The following SMYD3 variants were observed in gnomAD, a reference collection of about 807,000 sequenced individuals.
SMYD3 encodes the protein SET and MYND domain containing 3, also known as histone-lysine N-methyltransferase SMYD3.
In SMYD3, 36 loss-of-function variants were observed where a neutral mutation model predicts 57.7. The observed-to-expected ratio is 0.62, with a 90% CI of 0.48 to 0.82. SMYD3 has a LOEUF of 0.82. Ranked by LOEUF, SMYD3 falls within the 40% of genes least tolerant of loss-of-function variation. The pLI, the probability that SMYD3 is intolerant of heterozygous loss-of-function variation, is 0.00. For missense variants in SMYD3, 515 were observed against 538.8 expected (o/e 0.96, Z 0.44); for synonymous variants, 211 against 195.0 (o/e 1.08, Z -0.68).
At chr1:246,292,717 T>C (rs1431734695) in intron 5 of SMYD3, among the ~76,000 whole-genome samples, 1 of 152,130 alleles carries the variant, frequency 6.6e-6, no homozygotes, top group African/African-American at 2.4e-5. Context: ...CAGAAGACCA[T>C]GAACACGTAT....
intron 10 of SMYD3, among the ~76,000 whole-genome samples, chr1:245,825,895 T>C (rs1430497825): frequency 6.7e-6 from 1 of 149,744 alleles, no homozygotes; most frequent in Non-Finnish European, 1.5e-5. Context: ...GGGTCTAGAA[T>C]TGAAGTCACT....
chr1:245,939,003 G>C (rs558965165), intron 5 of SMYD3, among the ~76,000 whole-genome samples: 1 of 151,770 alleles, frequency 6.6e-6, no homozygotes, highest in Non-Finnish European at 1.5e-5. Flanking sequence ...AAAATTAGCC[G>C]GGCGTGGTGG....
intron 5 of SMYD3, among the ~76,000 whole-genome samples, chr1:246,027,020 T>C (rs1321555551): frequency 6.6e-6 from 1 of 152,202 alleles, no homozygotes; most frequent in Non-Finnish European, 1.5e-5. Context: ...GAGACAGCCT[T>C]ATTGCTGATA....
At chr1:246,026,942 T>C (rs527619243) in intron 5 of SMYD3, among the ~76,000 whole-genome samples, 2 of 152,238 alleles carry the variant, frequency 1.3e-5, no homozygotes, top group Admixed American at 1.3e-4. Context: ...AACTTGTAAA[T>C]GCAAAAGAAA....
chr1:246,504,624 C>T (rs1481442365), intron 1 of SMYD3, among the ~76,000 whole-genome samples: 3 of 152,078 alleles, frequency 2.0e-5, no homozygotes, highest in African/African-American at 7.3e-5. Context: ...TTTTTCCTTT[C>T]CCATGTAACT....
intron 1 of SMYD3, among the ~76,000 whole-genome samples, chr1:246,487,122 T>G (rs1043205679): frequency 7.9e-5 from 12 of 151,794 alleles, no homozygotes; most frequent in African/African-American, 2.7e-4. Flanking sequence ...CCAGAGGAGG[T>G]AAAAAAAGTA....
chr1:245,785,060 A>G (rs891925463), intron 10 of SMYD3, among the ~76,000 whole-genome samples: 4 of 150,236 alleles, frequency 2.7e-5, no homozygotes, highest in Admixed American at 2.7e-4. Context: ...TATGTTGGCC[A>G]GGCTGACCTC....
intron 5 of SMYD3, among the ~76,000 whole-genome samples, chr1:246,223,445 T>C (rs1239341670): frequency 1.3e-5 from 2 of 152,114 alleles, no homozygotes; most frequent in South Asian, 4.1e-4. Flanking sequence ...GAGTCTCCTG[T>C]AAAATTCAGA....
intron 1 of SMYD3, among the ~76,000 whole-genome samples, chr1:246,410,547 T>C (rs1395632741): frequency 1.3e-5 from 2 of 152,238 alleles, no homozygotes; most frequent in Non-Finnish European, 2.9e-5. Flanking sequence ...GATAAGCTTT[T>C]TGATGTATTG....
intron 5 of SMYD3, among the ~76,000 whole-genome samples, chr1:246,246,461 T>C (rs958071025): frequency 2.6e-5 from 4 of 152,170 alleles, no homozygotes; most frequent in Non-Finnish European, 4.4e-5. Context: ...CCAAGTAATA[T>C]GATTTCTAAA....
intron 5 of SMYD3, among the ~76,000 whole-genome samples, chr1:246,051,133 C>CTTTTTT (rs11453523): frequency 7.1e-6 from 1 of 141,714 alleles, no homozygotes. Flanking sequence ...TTTCTTACTC[C>CTTTTTT]TTTTTTTTTT....
chr1:245,987,490 C>T (rs2058726735), intron 5 of SMYD3, among the ~76,000 whole-genome samples: 1 of 152,076 alleles, frequency 6.6e-6, no homozygotes, highest in Admixed American at 6.5e-5. Context: ...GAAGCCAGAG[C>T]CAGGGAGGTT....
intron 10 of SMYD3, among the ~76,000 whole-genome samples, chr1:245,803,771 A>C (rs1319588358): frequency 7.2e-5 from 11 of 152,210 alleles, no homozygotes; most frequent in Non-Finnish European, 1.5e-5. Context: ...AATTTCTAAA[A>C]TTTGATGTGC....
At chr1:246,472,396 A>G (rs1244020270) in intron 1 of SMYD3, among the ~76,000 whole-genome samples, 1 of 152,090 alleles carries the variant, frequency 6.6e-6, no homozygotes, top group Non-Finnish European at 1.5e-5. Flanking sequence ...GCTAGATTAG[A>G]ATTTTATTTT....
rs575574882 is a variant in SMYD3, at chr1:246,438,657, A to G, written c.164+68397T>C. Reference sequence around the variant, plus strand: ...ACTTTATATCATCCCTAGAATACGTATAACAGTGGTCCCCAACCGTTTTAG... The same window carrying G: ...ACTTTATATCATCCCTAGAATACGTGTAACAGTGGTCCCCAACCGTTTTAG... On this transcript the variant is annotated intron_variant, in intron 1 of 11. Coordinates refer to ENST00000490107, the MANE Select transcript of SMYD3 (RefSeq NM_001167740.2). 7.6e-4 allele frequency among the ~76,000 whole-genome samples: 116 copies of G among 152,296 alleles called. 2 individuals carry two copies. The highest frequency in any genetic ancestry group is 2.6e-3 in the African/African-American group (108 of 41,578).
intron 5 of SMYD3, among the ~76,000 whole-genome samples, chr1:246,114,589 T>C (rs1477798876): frequency 6.6e-6 from 1 of 152,200 alleles, no homozygotes; most frequent in African/African-American, 2.4e-5. Flanking sequence ...GCCTCTTCTC[T>C]GCTGTGCCGG....
chr1:245,773,154 A>G (rs1343575998), intron 10 of SMYD3, among the ~76,000 whole-genome samples: 1 of 151,964 alleles, frequency 6.6e-6, no homozygotes, highest in East Asian at 1.9e-4. Flanking sequence ...CCAAAAACAA[A>G]CAAACAAAAA....
rs1396419785 is a variant in SMYD3 at position 246,507,276 on chromosome 1, G to A, written c.-59C>T. ...CGCGTCCAGCAGCGGGCGTCTCACG[G>A]GCTGCCGGGACCCGCGCGCCTGCGC... On this transcript the variant is annotated 5_prime_UTR_variant, in exon 1 of 12. Transcript: ENST00000490107. 3 of 1,431,494 alleles carry A rather than the reference G, an allele frequency of 2.1e-6. No homozygotes were observed. The highest frequency in any genetic ancestry group is 1.4e-5 in the South Asian group (1 of 69,028). The allele number at this position is 1,431,494 out of a possible 1,614,324, so 88.7% of individuals were successfully genotyped here. A position where few individuals can be genotyped will look rare whatever the true frequency, so the allele number is the denominator to read the frequency against.
Position 246,355,392 on chromosome 1 carries a change from C to T in SMYD3, c.165-298G>A, listed in dbSNP as rs1299041948. 3.1e-6 allele frequency: 1 copy of T among 317,600 alleles called. No individual in the cohort carries two copies. The allele number at this position is 317,600 out of a possible 1,614,324, so 19.7% of individuals were successfully genotyped here. On this transcript the variant is annotated intron_variant, in intron 1 of 11. Transcript: ENST00000490107. The surrounding 1 kb of genome is among the most constrained non-coding windows in gnomAD (Gnocchi z 5.0). ...AGCGTGTGGGGACTCACACTGTGAA[C>T]TTTTGATCCAACAACTGCCACAGCA...
Sources: allele counts gnomAD v4.1 joint callset (sites outside exome capture counted in the v4.1 genomes callset), GRCh38; gene constraint gnomAD v4.1.1; non-coding constraint Gnocchi (gnomAD v3.1); transcripts MANE v1.5; gene names NCBI Gene and HGNC (gene_info 2026-07-23, HGNC 2026-07-21).